Variants in FANCA observed in about 807,000 individuals in gnomAD.
FANCA encodes the protein Fanconi anemia group A protein.
In FANCA, 236 loss-of-function variants were observed where a neutral mutation model predicts 194.3. The ratio of observed to expected loss-of-function variants is 1.21; its 90% CI spans 1.09 to 1.35. FANCA has a LOEUF of 1.35. Ranked by LOEUF, FANCA falls within the 40% of genes most tolerant of loss-of-function variation. The pLI, the probability that FANCA is intolerant of heterozygous loss-of-function variation, is 0.00. For synonymous variants in FANCA, 1,014 were observed against 715.8 expected (o/e 1.42, Z -6.65); for missense variants, 2,628 against 1,813.9 (o/e 1.45, Z -8.15).
rs142919010 is a variant in FANCA, at chr16:89,740,078, C to G, written c.3850G>C (p.Ala1284Pro). Residue 1284 changes from alanine to proline, a missense_variant, in exon 39 of 43, where the codon GCT becomes CCT. Physicochemically the swap from Ala to Pro is conservative, Grantham distance 27. Transcript: ENST00000389301. ...TSNSTTDLPKAFHVCAAILEC... is the reference protein window; with the variant it reads ...TSNSTTDLPKPFHVCAAILEC... Reference sequence around the variant, plus strand: ...AGGATTGCTGCACAAACGTGGAAAGCCTTTGGCAGGTCTGTGGTGCTCTGT... The same window carrying G: ...AGGATTGCTGCACAAACGTGGAAAGGCTTTGGCAGGTCTGTGGTGCTCTGT... The G allele has an allele frequency of 5.3e-5, 86 of 1,614,036 alleles. No individual in the cohort carries two copies. The African/African-American group carries it at 1.1e-3, about 20-fold the overall frequency.
intron 36 of FANCA, 176 bp downstream of exon 36, chr16:89,744,783 A>G: frequency 1.5e-6 from 1 of 668,160 alleles, no homozygotes; most frequent in Non-Finnish European, 2.7e-6. Flanking sequence ...CGGCCTCCCC[A>G]GTAGTTGGGA....
intron 29 of FANCA, among the ~76,000 whole-genome samples, chr16:89,760,221 C>T (rs1465962716): frequency 2.6e-5 from 4 of 152,246 alleles, no homozygotes; most frequent in South Asian, 4.1e-4. Context: ...AGAGAGCAGC[C>T]GGGAGGAGAA....
intron 6 of FANCA, 125 bp downstream of exon 6, chr16:89,808,169 C>A (rs1292443334): frequency 5.9e-6 from 5 of 851,620 alleles, no homozygotes; most frequent in Non-Finnish European, 1.0e-5. Context: ...GCAATGCAAT[C>A]TAGTCTAGTA....
At chr16:89,767,379 G>A (rs781715762) in intron 26 of FANCA, 142 bp from the exon 27 acceptor site, 10 of 690,384 alleles carry the variant, frequency 1.4e-5, no homozygotes, top group African/African-American at 1.1e-4. Flanking sequence ...TTTTTGGTTC[G>A]TTTGTTGTGA....
chr16:89,737,808 G>A lies in FANCA; in HGVS notation c.*793C>T, dbSNP rs1416693417. The A allele has an allele frequency of 1.2e-6, 2 of 1,614,082 alleles. No homozygotes were observed. Among genetic ancestry groups the A allele is most frequent in the African/African-American group, 2.7e-5 (2 of 74,942 alleles). On this transcript the variant is annotated 3_prime_UTR_variant, in exon 43 of 43. Transcript: ENST00000389301. Reference sequence around the variant, plus strand: ...CTCACTGGACTCTCCCCTCTCAGAGGTGCGGAACTATATCTGTGACGAATG... The same window carrying A: ...CTCACTGGACTCTCCCCTCTCAGAGATGCGGAACTATATCTGTGACGAATG...
intron 31 of FANCA, among the ~76,000 whole-genome samples, chr16:89,750,488 A>C (rs576300351): frequency 0.012 from 1,776 of 148,722 alleles, 29 homozygotes; most frequent in Non-Finnish European, 0.014. Flanking sequence ...GTCTCAAAAA[A>C]AAACAAACAA....
intron 28 of FANCA, 38 bp downstream of exon 28, chr16:89,764,852 G>T: frequency 6.2e-7 from 1 of 1,608,572 alleles, no homozygotes; most frequent in South Asian, 1.1e-5. Context: ...CCTAGACTCA[G>T]GACGTGGCAT....
At chr16:89,796,929 G>T (rs978207438) in intron 10 of FANCA, among the ~76,000 whole-genome samples, 1 of 152,002 alleles carries the variant, frequency 6.6e-6, no homozygotes, top group Non-Finnish European at 1.5e-5. Flanking sequence ...GAGGCCAAGG[G>T]GGGCAGATGA....
At chr16:89,760,477 C>T (rs1317990428) in intron 29 of FANCA, among the ~76,000 whole-genome samples, 2 of 152,134 alleles carry the variant, frequency 1.3e-5, no homozygotes. Flanking sequence ...TGTTGCCAAC[C>T]CTCTCCTGAG....
In FANCA at chr16:89,799,048, G is replaced by C. The variant is rs746593438; in HGVS notation, c.893+118C>G. On this transcript the variant is annotated intron_variant, in intron 10 of 42. Transcript: ENST00000389301. ...CACGCACGTTATCGTAACTGGCAGA[G>C]GAAGTGTGCTCAGGAGCGGGCTGCT... The C allele has an allele frequency of 3.1e-6, 5 of 1,614,228 alleles. No homozygotes were observed. In the Admixed American group the frequency reaches 6.7e-5, roughly 22 times the overall value.
At position 89,738,897 on chromosome 16, in the gene FANCA, G is replaced by A. The variant is rs1567591930; in HGVS notation, c.4245C>T (p.Phe1415=). ...QLIPRCPKKS[F]SHVAELLADR... ...TTGACGTTACCTCTGCCACGTGTGAGAAGCTCTTTTTCGGGCACCGAGGTA... is the reference window on the plus strand; with the variant it reads ...TTGACGTTACCTCTGCCACGTGTGAAAAGCTCTTTTTCGGGCACCGAGGTA... Residue 1415 remains phenylalanine, a synonymous_variant, in exon 42 of 43, where the codon TTC becomes TTT. Transcript: ENST00000389301. 6.2e-7 allele frequency: 1 copy of A among 1,614,262 alleles called. No homozygotes were observed. The highest frequency in any genetic ancestry group is 8.5e-7 in the Non-Finnish European group (1 of 1,180,048).
chr16:89,783,365 ATGG>A (rs2039786553), intron 15 of FANCA, among the ~76,000 whole-genome samples: 2 of 151,962 alleles, frequency 1.3e-5, no homozygotes, highest in Non-Finnish European at 2.9e-5. Context: ...CCTGGCTAAC[ATGG>A]TGAAACCCTG....
At chr16:89,807,966 G>A (rs2040722897) in intron 6 of FANCA, among the ~76,000 whole-genome samples, 1 of 152,148 alleles carries the variant, frequency 6.6e-6, no homozygotes, top group Non-Finnish European at 1.5e-5. Context: ...GCTGAGGCAG[G>A]AGAATTGCTT....
At position 89,791,894 on chromosome 16, in the gene FANCA, G is replaced by C. The variant is rs74033877; in HGVS notation, c.1225+33C>G. 1,507 of 1,613,556 alleles carry C rather than the reference G, an allele frequency of 9.3e-4. 12 individuals are homozygous for C. In the African/African-American group the frequency reaches 0.018, roughly 20 times the overall value. The stretch of plus-strand genomic sequence containing the variant: ...CTGACACCCCCCTACACACACTCTT[G>C]ACCAGCACCACCGGGCTCGCGTAAA... On this transcript the variant is annotated intron_variant, in intron 13 of 42. Transcript: ENST00000389301.
Position 89,793,233 on chromosome 16 carries a change from C to T in FANCA, c.1007-686G>A, listed in dbSNP as rs1206532820. 2.0e-5 allele frequency among the ~76,000 whole-genome samples: 3 copies of T among 152,276 alleles called. No individual in the cohort carries two copies. In the South Asian group the frequency reaches 6.2e-4, roughly 32 times the overall value. Reference sequence around the variant, plus strand: ...CTTGACACCTTTTGCTACCGCTGGACCACGATCCGCTTGGTGACGGGCGTC... The same window carrying T: ...CTTGACACCTTTTGCTACCGCTGGATCACGATCCGCTTGGTGACGGGCGTC... On this transcript the variant is annotated intron_variant, in intron 11 of 42. Transcript: ENST00000389301.
In FANCA at chr16:89,810,695, T is replaced by C. The variant is rs752795745; in HGVS notation, c.522+12A>G. On this transcript the variant is annotated intron_variant, in intron 5 of 42. Coordinates refer to ENST00000389301, the MANE Select transcript of FANCA (RefSeq NM_000135.4). ...GAACACTGGAGAGTCAGATTTGCAA[T>C]CTCAAATTTACCTGTATTTTCCATA... is the stretch of plus-strand genomic sequence containing the variant. 3 of 1,546,708 alleles carry C rather than the reference T, an allele frequency of 1.9e-6. No individual in the cohort carries two copies. Among genetic ancestry groups the C allele is most frequent in the African/African-American group, 1.4e-5 (1 of 73,520 alleles).
At chr16:89,815,829 A>T in intron 2 of FANCA, 48 bp downstream of exon 2, 1 of 1,457,786 alleles carries the variant, frequency 6.9e-7, no homozygotes, top group Non-Finnish European at 9.6e-7. Context: ...TGGACTCAAA[A>T]ACCCCGAACC....
rs922937790 is a variant in FANCA at position 89,738,553 on chromosome 16, A to G, written c.*48T>C. 22 of 1,611,972 alleles carry G rather than the reference A, an allele frequency of 1.4e-5. No homozygotes were observed. Among genetic ancestry groups the G allele is most frequent in the Non-Finnish European group, 1.8e-5 (21 of 1,179,780 alleles). ...ACAAGAGCTCCATGTTATGCTTGTAATAAATTATTTACACGGGAGCTGGGC... is the reference window on the plus strand; with the variant it reads ...ACAAGAGCTCCATGTTATGCTTGTAGTAAATTATTTACACGGGAGCTGGGC... On this transcript the variant is annotated 3_prime_UTR_variant, in exon 43 of 43. Transcript: ENST00000389301.
At chr16:89,758,855 G>C (rs55806646) in intron 29 of FANCA, 150 bp from the exon 30 acceptor site, 3 of 1,186,078 alleles carry the variant, frequency 2.5e-6, no homozygotes, top group East Asian at 5.0e-5. Flanking sequence ...GTAGGGATGA[G>C]ACCTCACTGT....
Sources: allele counts gnomAD v4.1 joint callset (sites outside exome capture counted in the v4.1 genomes callset), GRCh38; gene constraint gnomAD v4.1.1; transcripts MANE v1.5; gene names NCBI Gene and HGNC (gene_info 2026-07-23, HGNC 2026-07-21).